The following FBXO31 variants were observed in gnomAD, a reference collection of about 807,000 sequenced individuals.
FBXO31 encodes the protein F-box only protein 31.
Under a neutral mutation model 54.4 loss-of-function variants are expected in FBXO31, and 24 were observed. That is an observed-to-expected ratio of 0.44 (90% CI 0.32 to 0.62). The LOEUF (loss-of-function observed/expected upper bound fraction) is 0.62, where lower values mean the gene tolerates loss of function less well. Among genes scored for constraint, FBXO31 ranks in the 20% least tolerant of loss-of-function variants. The pLI, the probability that FBXO31 is intolerant of heterozygous loss-of-function variation, is 0.05. For missense variants in FBXO31, 665 were observed against 787.1 expected, an observed-to-expected ratio of 0.84 and a Z score of 1.86; for synonymous variants, 388 against 335.6, an observed-to-expected ratio of 1.16 and a Z score of -1.71.
intron 2 of FBXO31, among the ~76,000 whole-genome samples, chr16:87,357,220 G>A (rs1905929696): frequency 6.6e-6 from 1 of 151,694 alleles, no homozygotes; most frequent in Non-Finnish European, 1.5e-5. Flanking sequence ...ACTCCAACCT[G>A]GGCAACAAGA....
Position 87,332,045 on chromosome 16 carries a change from C to G in FBXO31, c.1398-535G>C, listed in dbSNP as rs144192679. On this transcript the variant is annotated intron_variant, in intron 8 of 8. Transcript: ENST00000311635. ...GAGGTCAACATCAGACAGGAAGACA[C>G]TTATGTCTGTCTTGCAAGCAGCTAA... Among the ~76,000 whole-genome samples the G allele has an allele frequency of 2.0e-5, 3 of 152,346 alleles. No individual in the cohort carries two copies. In the East Asian group the frequency reaches 5.8e-4, roughly 29 times the overall value.
At chr16:87,389,346 A>G (rs1796171162) in intron 1 of FBXO31, among the ~76,000 whole-genome samples, 1 of 152,194 alleles carries the variant, frequency 6.6e-6, no homozygotes, top group Non-Finnish European at 1.5e-5. Flanking sequence ...CTTCAGTCCT[A>G]TATTTCAAAA....
chr16:87,331,553 G>C, intron 8 of FBXO31, 43 bp from the exon 9 acceptor site: 1 of 1,501,832 alleles, frequency 6.7e-7, no homozygotes, highest in Non-Finnish European at 9.1e-7. Flanking sequence ...GGGGAGGGCT[G>C]AGTCAAATGC....
chr16:87,339,096 T>C (rs752381094), intron 5 of FBXO31, among the ~76,000 whole-genome samples: 41 of 152,202 alleles, frequency 2.7e-4, no homozygotes, highest in Non-Finnish European at 2.4e-4. Flanking sequence ...GCAACCTCTT[T>C]CCCTTATAAA....
upstream of FBXO31, among the ~76,000 whole-genome samples, chr16:87,390,313 A>C (rs1023021890): frequency 6.6e-6 from 1 of 152,222 alleles, no homozygotes; most frequent in African/African-American, 2.4e-5. Context: ...ACAGTGGTGT[A>C]ATAAAGAACT....
At chr16:87,382,614 C>T (rs1381253207) in intron 1 of FBXO31, among the ~76,000 whole-genome samples, 1 of 152,154 alleles carries the variant, frequency 6.6e-6, no homozygotes, top group Admixed American at 6.5e-5. Context: ...CACTGGGCTT[C>T]CCCTACTCCC....
intron 1 of FBXO31, among the ~76,000 whole-genome samples, chr16:87,377,192 C>G (rs1410615982): frequency 6.6e-6 from 1 of 152,206 alleles, no homozygotes; most frequent in Non-Finnish European, 1.5e-5. Flanking sequence ...CGCCAGTAAT[C>G]CTAGCACTTT....
In FBXO31 at chr16:87,345,792, C is replaced by A. The variant is rs1046361816; in HGVS notation, c.489+1382G>T. 1.3e-5 allele frequency among the ~76,000 whole-genome samples: 2 copies of A among 152,324 alleles called. No homozygotes were observed. The highest frequency in any genetic ancestry group is 2.1e-4 in the South Asian group (1 of 4,826). On this transcript the variant is annotated intron_variant, in intron 3 of 8. Transcript: ENST00000311635. The surrounding 1 kb of genome is among the most constrained non-coding windows in gnomAD (Gnocchi z 4.9). ...GGCGAGGGGCAGGGCCTTCTCCCCC[C>A]TTCCTGAGGCCACTGACCACTGGCT...
chr16:87,389,771 C>G (rs183462306), exon 1 of FBXO31: 1 of 152,112 alleles, frequency 6.6e-6, no homozygotes, highest in Non-Finnish European at 1.5e-5. Flanking sequence ...GAATACAAAC[C>G]AACAGACTGT....
rs1322290405 is a variant in FBXO31 at position 87,358,475 on chromosome 16, C to T, written c.412+1820G>A. On this transcript the variant is annotated intron_variant, in intron 2 of 8. Transcript: ENST00000311635. The surrounding 1 kb of genome is among the most constrained non-coding windows in gnomAD (Gnocchi z 4.0). ...CAGGGAGAATTTTCACAAAACGTCCCGACTTCACGCGAGGGTTTATACCTG... is the reference window on the plus strand; with the variant it reads ...CAGGGAGAATTTTCACAAAACGTCCTGACTTCACGCGAGGGTTTATACCTG... 3 of 152,628 alleles carry T rather than the reference C, an allele frequency of 2.0e-5. No individual in the cohort carries two copies. The highest frequency in any genetic ancestry group is 4.4e-5 in the Non-Finnish European group (3 of 68,046). The allele number at this position is 152,628 out of a possible 1,614,324, so 9.5% of individuals were successfully genotyped here. A position where few individuals can be genotyped will look rare whatever the true frequency, so the allele number is the denominator to read the frequency against.
Position 87,345,801 on chromosome 16 carries a change from G to A in FBXO31, c.489+1373C>T, listed in dbSNP as rs1185163193. Among the ~76,000 whole-genome samples the A allele has an allele frequency of 6.6e-6, 1 of 152,238 alleles. No homozygotes were observed. The highest frequency in any genetic ancestry group is 1.5e-5 in the Non-Finnish European group (1 of 68,040). ...CAGGGCCTTCTCCCCCCTTCCTGAG[G>A]CCACTGACCACTGGCTGGGGAGGAA... On this transcript the variant is annotated intron_variant, in intron 3 of 8. Transcript: ENST00000311635. This position sits in a 1 kb window ranked among gnomAD's most constrained non-coding sequence, Gnocchi z 4.9.
intron 1 of FBXO31, among the ~76,000 whole-genome samples, chr16:87,375,902 C>T (rs940759514): frequency 6.6e-6 from 1 of 152,196 alleles, no homozygotes; most frequent in African/African-American, 2.4e-5. Context: ...CTCCAAGCTG[C>T]CCCTGCCGCC....
intron 1 of FBXO31, among the ~76,000 whole-genome samples, chr16:87,360,925 G>A (rs1246298587): frequency 2.6e-5 from 4 of 152,076 alleles, no homozygotes; most frequent in Non-Finnish European, 5.9e-5. Context: ...GACACCTCCC[G>A]CAACCCCTGT....
At chr16:87,343,413 C>G (rs534592434) in intron 4 of FBXO31, among the ~76,000 whole-genome samples, 185 bp downstream of exon 4, 1 of 152,256 alleles carries the variant, frequency 6.6e-6, no homozygotes, top group Admixed American at 6.5e-5. Context: ...AGCAAGTGAC[C>G]GCTGCAGAGT....
At chr16:87,355,249 C>G (rs540915668) in intron 2 of FBXO31, among the ~76,000 whole-genome samples, 4 of 152,306 alleles carry the variant, frequency 2.6e-5, no homozygotes, top group Admixed American at 6.5e-5. Context: ...AGGACTTCAA[C>G]ACGACCAGTT....
Position 87,383,613 on chromosome 16 carries a change from G to A in FBXO31, c.132C>T (p.Ile44=). 6.8e-7 allele frequency: 1 copy of A among 1,464,566 alleles called. No homozygotes were observed. The highest frequency in any genetic ancestry group is 9.0e-7 in the Non-Finnish European group (1 of 1,113,996). 90.7% of individuals were successfully genotyped at this position (1,464,566 alleles called of 1,614,324 possible). A position where few individuals can be genotyped will look rare whatever the true frequency, so the allele number is the denominator to read the frequency against. The change falls in exon 1 of 9, where the codon ATC becomes ATT. Residue 44 remains isoleucine, a synonymous_variant. Coordinates refer to ENST00000311635, the MANE Select transcript of FBXO31 (RefSeq NM_024735.5). The surrounding 1 kb of genome is among the most constrained non-coding windows in gnomAD (Gnocchi z 4.9). The part of the protein sequence containing the change: ...EPDTDPEEER[I]EASAGVGGGL... ...CGCCCCCGACCCCGGCGCTAGCCTC[G>A]ATGCGCTCCTCCTCGGGGTCTGTGT... is the stretch of plus-strand genomic sequence containing the variant.
chr16:87,368,655 G>C (rs8052244), intron 1 of FBXO31, among the ~76,000 whole-genome samples: 51,462 of 150,442 alleles, frequency 0.34, 11,304 homozygotes, highest in Non-Finnish European at 0.51. Flanking sequence ...TTTATAAGAG[G>C]AAGTGTGCTG....
rs1268558656 is a variant in FBXO31 at position 87,338,984 on chromosome 16, T to C, written c.733-2720A>G. On this transcript the variant is annotated intron_variant, in intron 5 of 8. Coordinates refer to ENST00000311635, the MANE Select transcript of FBXO31 (RefSeq NM_024735.5). This position sits in a 1 kb window ranked among gnomAD's most constrained non-coding sequence, Gnocchi z 4.3. ...ATGGTTTTATAAAGGGGAGTTCCCC[T>C]GCACAAGTTCTCTCTTTTTTTGCCT... is the stretch of plus-strand genomic sequence containing the variant. Among the ~76,000 whole-genome samples the C allele has an allele frequency of 6.6e-6, 1 of 152,214 alleles. No homozygotes were observed. Among genetic ancestry groups the C allele is most frequent in the Admixed American group, 6.5e-5 (1 of 15,290 alleles).
intron 8 of FBXO31, among the ~76,000 whole-genome samples, chr16:87,333,058 C>A (rs1014340120): frequency 1.3e-5 from 2 of 152,212 alleles, no homozygotes; most frequent in Non-Finnish European, 2.9e-5. Context: ...TATTCAGTTT[C>A]AGTTCATTTG....
Sources: allele counts gnomAD v4.1 joint callset (sites outside exome capture counted in the v4.1 genomes callset), GRCh38; gene constraint gnomAD v4.1.1; non-coding constraint Gnocchi (gnomAD v3.1); transcripts MANE v1.5; gene names NCBI Gene and HGNC (gene_info 2026-07-23, HGNC 2026-07-21).